TOX3: variants seen among roughly 807,000 people sequenced by gnomAD.
The protein encoded by TOX3 is TOX high mobility group box family member 3.
TOX3 carries 22 observed loss-of-function variants against 64.3 expected under a neutral mutation model. The observed-to-expected ratio is 0.34, with a 90% confidence interval of 0.24 to 0.49. TOX3 has a LOEUF of 0.49. Among genes scored for constraint, TOX3 ranks in the 20% least tolerant of loss-of-function variants. TOX3 has a pLI of 0.99. For synonymous variants in TOX3, 291 were observed against 273.6 expected (o/e 1.06, Z -0.63); for missense variants, 661 against 714.4 (o/e 0.93, Z 0.85).
At chr16:52,513,274 A>C (rs922254644) in intron 1 of TOX3, among the ~76,000 whole-genome samples, 1 of 152,214 alleles carries the variant, frequency 6.6e-6, no homozygotes, top group Non-Finnish European at 1.5e-5. Flanking sequence ...CAGGTAATAC[A>C]ATGTTACTTC....
At chr16:52,479,756 T>G (rs908629856) in intron 1 of TOX3, among the ~76,000 whole-genome samples, 10 of 152,198 alleles carry the variant, frequency 6.6e-5, no homozygotes, top group African/African-American at 2.4e-4. Context: ...AGCAGTATCC[T>G]CTCTTGGGTT....
chr16:52,491,044 A>G (rs1298539679), intron 1 of TOX3, among the ~76,000 whole-genome samples: 3 of 152,200 alleles, frequency 2.0e-5, no homozygotes, highest in African/African-American at 7.2e-5. Flanking sequence ...TGTCACTGTC[A>G]GGGTTAAAAT....
chr16:52,465,507 G>C (rs1596795792), intron 2 of TOX3, among the ~76,000 whole-genome samples: 2 of 118,022 alleles, frequency 1.7e-5, no homozygotes, highest in East Asian at 5.2e-4. Context: ...TGGAGGGTTT[G>C]GGGGGCTACT....
intron 1 of TOX3, among the ~76,000 whole-genome samples, chr16:52,506,858 C>G (rs1310557851): frequency 6.6e-6 from 1 of 152,144 alleles, no homozygotes; most frequent in Admixed American, 6.5e-5. Flanking sequence ...CTAAGAAGCA[C>G]TAGTATTTAT....
intron 1 of TOX3, among the ~76,000 whole-genome samples, chr16:52,520,474 A>G (rs1962580856): frequency 6.6e-6 from 1 of 152,218 alleles, no homozygotes; most frequent in Admixed American, 6.5e-5. Flanking sequence ...GTTCAATGTC[A>G]GCTCTTCTTC....
rs573547346 is a variant in TOX3 at position 52,456,836 on chromosome 16, C to A, written c.409-6290G>T. Among the ~76,000 whole-genome samples, 6 of 152,270 alleles carry A rather than the reference C, an allele frequency of 3.9e-5. No homozygotes were observed. The East Asian group carries it at 7.7e-4, about 20-fold the overall frequency. ...TAGTCAGTGTGGATACTGGGGCCTG[C>A]CTAAGGCTCTGGGCCTGAGTTCTGC... On this transcript the variant is annotated intron_variant, in intron 3 of 6. Coordinates refer to ENST00000219746, the MANE Select transcript of TOX3 (RefSeq NM_001080430.4).
chr16:52,470,349 C>A (rs907144301), intron 1 of TOX3, among the ~76,000 whole-genome samples: 3 of 152,134 alleles, frequency 2.0e-5, no homozygotes, highest in African/African-American at 7.2e-5. Flanking sequence ...CGCCTAACAA[C>A]ATATATCACA....
In TOX3 at chr16:52,439,347, C is replaced by T. The variant is rs768645667; in HGVS notation, c.1609G>A (p.Ala537Thr). ...GGGATGGGGGATGTTATCTGAGAGGCGACAGGGGAGTGCTGCCGAGGAGAA... is the reference window on the plus strand; with the variant it reads ...GGGATGGGGGATGTTATCTGAGAGGTGACAGGGGAGTGCTGCCGAGGAGAA... ...QPSPRQHSPV[A>T]SQITSPIPAI... is the part of the protein sequence containing the mutation. Residue 537 changes from alanine (A) to threonine (T), a missense_variant, in exon 7 of 7, where the codon GCC becomes ACC. Transcript: ENST00000219746. 6.2e-6 allele frequency: 10 copies of T among 1,612,014 alleles called. No homozygotes were observed. The highest frequency in any genetic ancestry group is 4.5e-5 in the East Asian group (2 of 44,810).
intron 3 of TOX3, among the ~76,000 whole-genome samples, chr16:52,459,158 T>A (rs994201528): frequency 5.3e-5 from 8 of 151,956 alleles, no homozygotes; most frequent in African/African-American, 1.9e-4. Flanking sequence ...TCTATAATAA[T>A]TTTAAAAACT....
intron 1 of TOX3, among the ~76,000 whole-genome samples, chr16:52,543,563 T>C (rs1198810064): frequency 6.6e-6 from 1 of 152,216 alleles, no homozygotes; most frequent in Non-Finnish European, 1.5e-5. Context: ...TATTTCTTAA[T>C]ATACAGGGTT....
intron 1 of TOX3, among the ~76,000 whole-genome samples, chr16:52,518,035 T>C (rs1037838970): frequency 1.5e-4 from 23 of 152,046 alleles, no homozygotes; most frequent in African/African-American, 5.5e-4. Flanking sequence ...AACCACCCCC[T>C]CCCCTTTTGG....
intron 1 of TOX3, among the ~76,000 whole-genome samples, chr16:52,512,741 G>C (rs1962344577): frequency 6.6e-6 from 1 of 152,140 alleles, no homozygotes; most frequent in East Asian, 1.9e-4. Context: ...GCATTACAAA[G>C]AGCTGGGGAA....
chr16:52,480,918 G>A lies in TOX3; in HGVS notation c.88-12344C>T, dbSNP rs975722014. On this transcript the variant is annotated intron_variant, in intron 1 of 6. Coordinates refer to ENST00000219746, the MANE Select transcript of TOX3 (RefSeq NM_001080430.4). ...TATTCCTCAGGGGACCTTTGATAAT[G>A]TCTGAAGAGAGTTTTTTTTTTTTAT... Among the ~76,000 whole-genome samples the A allele has an allele frequency of 2.0e-5, 3 of 147,976 alleles. No individual in the cohort carries two copies. The Admixed American group carries it at 2.1e-4, about 10-fold the overall frequency.
rs532123896 is a variant in TOX3 at position 52,494,214 on chromosome 16, C to T, written c.88-25640G>A. On this transcript the variant is annotated intron_variant, in intron 1 of 6. Transcript: ENST00000219746. ...TTTCCAACTCCCTTGCATTTTGATG[C>T]GGGTTGGGGGGCAGGCAATTTAGCT... is the stretch of plus-strand genomic sequence containing the variant. 2.0e-4 allele frequency among the ~76,000 whole-genome samples: 31 copies of T among 152,248 alleles called. 1 individual carries two copies. The South Asian group carries it at 5.0e-3, about 24-fold the overall frequency.
chr16:52,535,583 C>A (rs1364856727), intron 1 of TOX3, among the ~76,000 whole-genome samples: 1 of 152,204 alleles, frequency 6.6e-6, no homozygotes, highest in African/African-American at 2.4e-5. Context: ...GTTAGGGAAA[C>A]AAGAAATGAG....
At chr16:52,526,298 C>A (rs1286939459) in intron 1 of TOX3, among the ~76,000 whole-genome samples, 1 of 152,084 alleles carries the variant, frequency 6.6e-6, no homozygotes, top group African/African-American at 2.4e-5. Context: ...ATTACGAAGC[C>A]AGGAGATGAG....
chr16:52,461,602 G>C (rs1345639802), intron 3 of TOX3, among the ~76,000 whole-genome samples: 1 of 152,038 alleles, frequency 6.6e-6, no homozygotes, highest in Non-Finnish European at 1.5e-5. Flanking sequence ...TCAACAAGCT[G>C]GCTTTTCTTC....
chr16:52,460,369 A>T (rs909897228), intron 3 of TOX3, among the ~76,000 whole-genome samples: 2 of 152,148 alleles, frequency 1.3e-5, no homozygotes, highest in African/African-American at 4.8e-5. Flanking sequence ...AGAGACAATT[A>T]TTTTACTGTC....
At chr16:52,450,211 A>T (rs1451294908) in intron 4 of TOX3, 66 bp downstream of exon 4, 1 of 1,578,320 alleles carries the variant, frequency 6.3e-7, no homozygotes, top group South Asian at 1.1e-5. Flanking sequence ...CATGAATGAA[A>T]TTCAAACAGC....
Sources: gnomAD v4.1 joint callset for allele counts (sites outside exome capture counted in the v4.1 genomes callset) on GRCh38, gnomAD v4.1.1 for gene constraint, MANE v1.5 for transcripts, NCBI Gene and HGNC (gene_info 2026-07-23, HGNC 2026-07-21) for gene names.